ABTB3: variants seen among roughly 807,000 people sequenced by gnomAD.
ABTB3 encodes ankyrin repeat and BTB domain containing 3.
the ABTB3 span, among the ~76,000 whole-genome samples, chr12:107,385,882 A>T: frequency 1.9e-3 from 294 of 152,270 alleles, 1 homozygote; most frequent in Non-Finnish European, 2.2e-3. Flanking sequence ...CGACATGCCC[A>T]GCCTAGCCTG....
At chr12:107,337,504 G>A in the ABTB3 span, among the ~76,000 whole-genome samples, 17 of 152,294 alleles carry the variant, frequency 1.1e-4, no homozygotes, top group Admixed American at 2.0e-4. Flanking sequence ...TACTGAGCAC[G>A]TTCACAATAG....
chr12:107,482,910 CTTCTTCT>C, the ABTB3 span, among the ~76,000 whole-genome samples: 28 of 134,372 alleles, frequency 2.1e-4, no homozygotes, highest in South Asian at 4.8e-4. Flanking sequence ...CTCTCTCTTT[CTTCTTCT>C]TTCTTTCTTT....
chr12:107,402,655 A>T, the ABTB3 span, among the ~76,000 whole-genome samples: 1 of 151,874 alleles, frequency 6.6e-6, no homozygotes, highest in African/African-American at 2.4e-5. Context: ...CTCCCTAAAC[A>T]TTGCTTTATT....
the ABTB3 span, among the ~76,000 whole-genome samples, chr12:107,468,281 T>C: frequency 6.6e-6 from 1 of 152,292 alleles, no homozygotes. Context: ...GGGGTGTTTA[T>C]TTTTCACTTC....
chr12:107,467,009 A>G, the ABTB3 span, among the ~76,000 whole-genome samples: 1 of 152,072 alleles, frequency 6.6e-6, no homozygotes, highest in Non-Finnish European at 1.5e-5. Context: ...TGGAAATGTG[A>G]TTGTCTATTG....
chr12:107,533,699 T>G, the ABTB3 span, among the ~76,000 whole-genome samples: 3 of 152,206 alleles, frequency 2.0e-5, no homozygotes, highest in Non-Finnish European at 4.4e-5. Context: ...CAGCCCACTT[T>G]CAGTAATGGA....
the ABTB3 span, chr12:107,640,399 T>C: frequency 6.3e-6 from 10 of 1,579,498 alleles, no homozygotes; most frequent in Non-Finnish European, 8.7e-6. Flanking sequence ...TGCTGTTATT[T>C]ACAGCCTCTC....
At chr12:107,593,894 C>T in the ABTB3 span, among the ~76,000 whole-genome samples, 6 of 152,290 alleles carry the variant, frequency 3.9e-5, no homozygotes, top group African/African-American at 9.6e-5. Flanking sequence ...AGATTGCACA[C>T]GTCACTTCCC....
the ABTB3 span, chr12:107,319,939 CCAT>C: frequency 1.9e-6 from 3 of 1,549,942 alleles, no homozygotes; most frequent in Non-Finnish European, 2.6e-6. Flanking sequence ...CCAACCACCA[CCAT>C]CACCACCACC....
At chr12:107,427,924 T>C in the ABTB3 span, among the ~76,000 whole-genome samples, 1 of 152,196 alleles carries the variant, frequency 6.6e-6, no homozygotes, top group Admixed American at 6.5e-5. Context: ...TTTCAGGGCT[T>C]AGCCTGGTGT....
chr12:107,575,481 C>A, the ABTB3 span, among the ~76,000 whole-genome samples: 35 of 152,238 alleles, frequency 2.3e-4, no homozygotes, highest in East Asian at 5.0e-3. Context: ...CACACACGGA[C>A]GCTTAAAACA....
the ABTB3 span, among the ~76,000 whole-genome samples, chr12:107,500,822 T>C: frequency 6.6e-6 from 1 of 152,214 alleles, no homozygotes; most frequent in Non-Finnish European, 1.5e-5. Flanking sequence ...CCAGCCTTGT[T>C]CACTCTGTGC....
At chr12:107,322,416 G>T in the ABTB3 span, among the ~76,000 whole-genome samples, 1 of 152,174 alleles carries the variant, frequency 6.6e-6, no homozygotes, top group South Asian at 2.1e-4. Flanking sequence ...GTTAAAGAAT[G>T]AGTGATTAAT....
chr12:107,480,911 A>C, the ABTB3 span, among the ~76,000 whole-genome samples: 1 of 152,140 alleles, frequency 6.6e-6, no homozygotes, highest in African/African-American at 2.4e-5. Flanking sequence ...AAAAGAGACA[A>C]ATTGATTGAT....
chr12:107,597,243 T>A, the ABTB3 span, among the ~76,000 whole-genome samples: 1 of 152,252 alleles, frequency 6.6e-6, no homozygotes. Context: ...GAAAGACATG[T>A]TTCCATTCTG....
chr12:107,483,606 G>T, the ABTB3 span, among the ~76,000 whole-genome samples: 1 of 152,156 alleles, frequency 6.6e-6, no homozygotes, highest in Non-Finnish European at 1.5e-5. Flanking sequence ...GAATTAACTT[G>T]GTTGATCTGA....
At chr12:107,588,524 T>C in the ABTB3 span, among the ~76,000 whole-genome samples, 1 of 152,044 alleles carries the variant, frequency 6.6e-6, no homozygotes, top group Non-Finnish European at 1.5e-5. Flanking sequence ...TGTGGTGTTT[T>C]TTGTTTGTTT....
At chr12:107,424,897 T>G in the ABTB3 span, among the ~76,000 whole-genome samples, 1 of 152,168 alleles carries the variant, frequency 6.6e-6, no homozygotes, top group Non-Finnish European at 1.5e-5. Context: ...TTTGCCTGAT[T>G]AACGTATTTA....
the ABTB3 span, among the ~76,000 whole-genome samples, chr12:107,611,900 A>G: frequency 6.6e-6 from 1 of 152,226 alleles, no homozygotes; most frequent in Non-Finnish European, 1.5e-5. Flanking sequence ...AATATGCCTC[A>G]ATTCATTGTT....
Sources: allele counts gnomAD v4.1 joint callset (sites outside exome capture counted in the v4.1 genomes callset), GRCh38; gene constraint gnomAD v4.1.1; transcripts MANE v1.5; gene names NCBI Gene and HGNC (gene_info 2026-07-23, HGNC 2026-07-21).